FLVCR2: variants seen among roughly 807,000 people sequenced by gnomAD.
The protein encoded by FLVCR2 is FLVCR choline and putative heme transporter 2, also known as choline/ethanolamine transporter FLVCR2.
FLVCR2 carries 38 observed loss-of-function variants against 48.9 expected under a neutral mutation model. The ratio of observed to expected loss-of-function variants is 0.78; its 90% confidence interval spans 0.60 to 1.02. The LOEUF is 1.02. Ranked by LOEUF, FLVCR2 falls within the 50% of genes least tolerant of loss-of-function variation. FLVCR2 has a pLI of 0.00. For synonymous variants in FLVCR2, 255 were observed against 257.0 expected, an observed-to-expected ratio of 0.99 and a Z score of 0.07; for missense variants, 664 against 663.3, an observed-to-expected ratio of 1.00 and a Z score of -0.01.
At chr14:75,605,314 C>T in intron 1 of FLVCR2, 1 of 552,382 alleles carries the variant, frequency 1.8e-6, no homozygotes, top group Non-Finnish European at 3.0e-6. Flanking sequence ...TTCTTGACCT[C>T]CTGACTTCTT....
At chr14:75,616,643 C>A (rs1889625538) in intron 1 of FLVCR2, among the ~76,000 whole-genome samples, 2 of 152,094 alleles carry the variant, frequency 1.3e-5, no homozygotes, top group South Asian at 4.1e-4. Context: ...GAGGAATGAG[C>A]CAATTGGTTT....
At chr14:75,596,304 A>G (rs1265168133) in intron 1 of FLVCR2, 2 of 469,214 alleles carry the variant, frequency 4.3e-6, no homozygotes, top group Non-Finnish European at 3.9e-6. Context: ...AAGGGCTGGG[A>G]GCAGAAAACA....
At chr14:75,593,759 T>C (rs1888948851) in intron 1 of FLVCR2, among the ~76,000 whole-genome samples, 1 of 152,146 alleles carries the variant, frequency 6.6e-6, no homozygotes, top group African/African-American at 2.4e-5. Context: ...GTCTTCAGGG[T>C]TTTTCTCTCA....
intron 1 of FLVCR2, among the ~76,000 whole-genome samples, chr14:75,598,570 T>A (rs996671004): frequency 3.3e-5 from 5 of 152,216 alleles, no homozygotes; most frequent in Non-Finnish European, 7.3e-5. Context: ...CTTGACCTCC[T>A]GGGCTTAAGC....
rs142218931 is a variant in FLVCR2, at chr14:75,611,338, G to A, written c.670-10741G>A. Reference sequence around the variant, plus strand: ...CTTTTCTGTGGCATTCACCTTGTCCGTTGAGGGCTTTGGAATCAGATAGCC... The same window carrying A: ...CTTTTCTGTGGCATTCACCTTGTCCATTGAGGGCTTTGGAATCAGATAGCC... On this transcript the variant is annotated intron_variant, in intron 1 of 9. Transcript: ENST00000238667. Among the ~76,000 whole-genome samples the A allele has an allele frequency of 2.1e-3, 320 of 152,278 alleles. 1 individual carries two copies. The highest frequency in any genetic ancestry group is 5.3e-3 in the African/African-American group (220 of 41,560).
chr14:75,610,594 C>T (rs1320263318), intron 1 of FLVCR2, among the ~76,000 whole-genome samples: 1 of 152,232 alleles, frequency 6.6e-6, no homozygotes, highest in African/African-American at 2.4e-5. Context: ...GGAAACCCAA[C>T]ACCAAGGCTG....
At chr14:75,595,836 T>C (rs1018406651) in intron 1 of FLVCR2, 5 of 908,870 alleles carry the variant, frequency 5.5e-6, no homozygotes, top group East Asian at 2.4e-5. Context: ...AGCACCAACA[T>C]TGGCCTTTGC....
intron 9 of FLVCR2, among the ~76,000 whole-genome samples, chr14:75,646,107 G>A (rs757927675): frequency 6.6e-6 from 1 of 152,072 alleles, no homozygotes. Context: ...CCGAGAGTGA[G>A]CCTGAAAGAG....
In FLVCR2 at chr14:75,630,028, GC is replaced by G. The variant is rs1422473489; in HGVS notation, c.953-3598del. On this transcript the variant is annotated intron_variant, in intron 3 of 9. Coordinates refer to ENST00000238667, the MANE Select transcript of FLVCR2 (RefSeq NM_017791.3). ...TGGGAGCTTTGCCGAGGTCAAGCTGGCCCTTTAAAACAAGGACTAAAGGGAA... is the reference window on the plus strand; with the variant it reads ...TGGGAGCTTTGCCGAGGTCAAGCTGGCCTTTAAAACAAGGACTAAAGGGAA... Among the ~76,000 whole-genome samples the G allele has an allele frequency of 8.5e-5, 13 of 152,190 alleles. 1 individual carries two copies. Among genetic ancestry groups the G allele is most frequent in the Admixed American group, 8.5e-4 (13 of 15,278 alleles).
intron 4 of FLVCR2, among the ~76,000 whole-genome samples, chr14:75,633,953 A>G (rs1187966643): frequency 6.6e-6 from 1 of 151,998 alleles, no homozygotes; most frequent in Non-Finnish European, 1.5e-5. Context: ...TTTTTCTGCA[A>G]AAGAAGCATA....
chr14:75,578,787 G>T lies in FLVCR2; in HGVS notation c.-186G>T. On this transcript the variant is annotated 5_prime_UTR_variant, in exon 1 of 10. Transcript: ENST00000238667. ...TGGCAACAGAGAGCCCCAAGCAAAA[G>T]TGGGAGCAGGAGCTTGGAGGTGAGC... 1 of 634,048 alleles carries T rather than the reference G, an allele frequency of 1.6e-6. No homozygotes were observed. Among genetic ancestry groups the T allele is most frequent in the South Asian group, 1.9e-5 (1 of 52,380 alleles). 39.3% of individuals were successfully genotyped at this position (634,048 alleles called of 1,614,324 possible).
At chr14:75,616,907 G>C (rs1392163211) in intron 1 of FLVCR2, among the ~76,000 whole-genome samples, 1 of 152,230 alleles carries the variant, frequency 6.6e-6, no homozygotes, top group African/African-American at 2.4e-5. Context: ...TCACCACTGT[G>C]TGGACAAAGA....
At chr14:75,639,499 C>A in intron 6 of FLVCR2, 37 bp downstream of exon 6, 1 of 1,380,018 alleles carries the variant, frequency 7.2e-7, no homozygotes, top group Non-Finnish European at 1.0e-6. Flanking sequence ...TAGAAAATAC[C>A]ATGCCATGGC....
At chr14:75,619,809 G>A (rs1014546973) in intron 1 of FLVCR2, among the ~76,000 whole-genome samples, 9 of 152,190 alleles carry the variant, frequency 5.9e-5, no homozygotes, top group South Asian at 4.1e-4. Context: ...CTTAAAAGCC[G>A]GAGTTGGGGT....
rs141007082 is a variant in FLVCR2, at chr14:75,641,386, G to C, written c.1453+93G>C. On this transcript the variant is annotated intron_variant, in intron 8 of 9. Coordinates refer to ENST00000238667, the MANE Select transcript of FLVCR2 (RefSeq NM_017791.3). ...GCAACAGATAGGGAGTACGTACGTAGGGGGACAGATGGAAGGGTTTGTTGG... is the reference window on the plus strand; with the variant it reads ...GCAACAGATAGGGAGTACGTACGTACGGGGACAGATGGAAGGGTTTGTTGG... The C allele has an allele frequency of 9.9e-3, 8,042 of 809,042 alleles. 82 individuals carry two copies. The highest frequency in any genetic ancestry group is 1.0e-2 in the Non-Finnish European group (4,590 of 459,444). The allele number at this position is 809,042 out of a possible 1,614,324, so 50.1% of individuals were successfully genotyped here.
intron 3 of FLVCR2, among the ~76,000 whole-genome samples, chr14:75,632,241 T>C (rs1890061825): frequency 6.6e-6 from 1 of 152,208 alleles, no homozygotes; most frequent in Admixed American, 6.5e-5. Context: ...TATTTCCCAT[T>C]TTGCAAGATA....
intron 2 of FLVCR2, 78 bp from the exon 3 acceptor site, chr14:75,624,534 G>C: frequency 2.6e-6 from 4 of 1,544,438 alleles, no homozygotes; most frequent in Non-Finnish European, 3.6e-6. Flanking sequence ...TGATGGAGCA[G>C]CTTTCATTCA....
At chr14:75,592,929 T>C (rs1194102024) in intron 1 of FLVCR2, among the ~76,000 whole-genome samples, 1 of 152,248 alleles carries the variant, frequency 6.6e-6, no homozygotes, top group African/African-American at 2.4e-5. Context: ...GCAGCCAAGT[T>C]CTTTGCTGTG....
chr14:75,618,520 A>C (rs1889672552), intron 1 of FLVCR2, among the ~76,000 whole-genome samples: 1 of 152,226 alleles, frequency 6.6e-6, no homozygotes, highest in Non-Finnish European at 1.5e-5. Flanking sequence ...ATAAAACTAG[A>C]ACAAGTGCAG....
Sources: allele counts gnomAD v4.1 joint callset (sites outside exome capture counted in the v4.1 genomes callset), GRCh38; gene constraint gnomAD v4.1.1; transcripts MANE v1.5; gene names NCBI Gene and HGNC (gene_info 2026-07-23, HGNC 2026-07-21).